XRCC4: variants seen among roughly 807,000 people sequenced by gnomAD.
The protein encoded by XRCC4 is DNA repair protein XRCC4.
A neutral mutation model predicts 39.1 loss-of-function variants in XRCC4; 28 were observed. The observed-to-expected ratio is 0.72, with a 90% CI of 0.53 to 0.98. The LOEUF is 0.98. XRCC4 is among the 50% of genes least tolerant of loss of function. XRCC4 has a pLI of 0.00. For missense variants in XRCC4, 350 were observed against 376.4 expected, an observed-to-expected ratio of 0.93 and a Z score of 0.58; for synonymous variants, 123 against 126.4, an observed-to-expected ratio of 0.97 and a Z score of 0.18.
intron 6 of XRCC4, among the ~76,000 whole-genome samples, chr5:83,208,232 G>T (rs1295336027): frequency 6.6e-6 from 1 of 151,966 alleles, no homozygotes; most frequent in African/African-American, 2.4e-5. Flanking sequence ...TGGTAAATTT[G>T]AATTGGATTA....
At chr5:83,270,470 GT>G (rs1401577864) in intron 7 of XRCC4, among the ~76,000 whole-genome samples, 1 of 152,006 alleles carries the variant, frequency 6.6e-6, no homozygotes, top group Non-Finnish European at 1.5e-5. Context: ...CACTAACCTA[GT>G]CTAAGCCATA....
chr5:83,341,978 G>A (rs1263486968), intron 7 of XRCC4, among the ~76,000 whole-genome samples: 5 of 152,156 alleles, frequency 3.3e-5, no homozygotes, highest in Non-Finnish European at 5.9e-5. Context: ...CACAGCAAGC[G>A]GCAGTCAGCT....
At chr5:83,206,163 G>C (rs1751414124) in intron 6 of XRCC4, among the ~76,000 whole-genome samples, 1 of 152,108 alleles carries the variant, frequency 6.6e-6, no homozygotes, top group Non-Finnish European at 1.5e-5. Context: ...GACATAATCT[G>C]ACTCAAATTT....
chr5:83,217,331 G>A (rs1190649805), intron 6 of XRCC4, among the ~76,000 whole-genome samples: 2 of 143,718 alleles, frequency 1.4e-5, no homozygotes, highest in African/African-American at 2.8e-5. Context: ...CACTCTAGCC[G>A]GGGCAGCGCA....
chr5:83,212,771 T>C (rs371767662), intron 6 of XRCC4, among the ~76,000 whole-genome samples: 3 of 150,258 alleles, frequency 2.0e-5, no homozygotes, highest in African/African-American at 7.3e-5. Flanking sequence ...CTATAAAAAT[T>C]CAAAAATTAG....
At chr5:83,337,197 G>T (rs964778340) in intron 7 of XRCC4, among the ~76,000 whole-genome samples, 6 of 152,194 alleles carry the variant, frequency 3.9e-5, no homozygotes, top group African/African-American at 1.2e-4. Flanking sequence ...CAGAACCTCA[G>T]TTCTTTATTA....
intron 1 of XRCC4, among the ~76,000 whole-genome samples, chr5:83,081,961 C>T (rs991710345): frequency 1.3e-5 from 2 of 152,172 alleles, no homozygotes; most frequent in African/African-American, 2.4e-5. Flanking sequence ...TTTATACAGC[C>T]AGTTGCTCAG....
chr5:83,332,123 C>A (rs1201536177), intron 7 of XRCC4, among the ~76,000 whole-genome samples: 1 of 151,964 alleles, frequency 6.6e-6, no homozygotes, highest in Non-Finnish European at 1.5e-5. Flanking sequence ...CTAATAAAGT[C>A]CCAGTTGCAC....
chr5:83,292,200 C>A (rs1754944841), intron 7 of XRCC4, among the ~76,000 whole-genome samples: 1 of 151,824 alleles, frequency 6.6e-6, no homozygotes, highest in South Asian at 2.1e-4. Flanking sequence ...GGAAACTTCA[C>A]AGGCTATAGC....
intron 7 of XRCC4, among the ~76,000 whole-genome samples, chr5:83,347,287 T>G (rs1338646491): frequency 6.6e-6 from 1 of 152,152 alleles, no homozygotes. Context: ...AGTAGACATT[T>G]GTATTCGTCT....
chr5:83,122,731 A>G (rs551132086), intron 3 of XRCC4, among the ~76,000 whole-genome samples: 109 of 152,168 alleles, frequency 7.2e-4, no homozygotes, highest in Non-Finnish European at 1.3e-3. Flanking sequence ...ACATTTTGGT[A>G]TGTTGTGTTT....
intron 7 of XRCC4, among the ~76,000 whole-genome samples, chr5:83,303,097 C>T (rs1755348852): frequency 6.6e-6 from 1 of 151,662 alleles, no homozygotes; most frequent in Non-Finnish European, 1.5e-5. Context: ...CCTGTAGTCC[C>T]AGCTACTTGG....
intron 3 of XRCC4, among the ~76,000 whole-genome samples, chr5:83,126,065 TTTAC>T (rs561152740): frequency 6.6e-6 from 1 of 151,660 alleles, no homozygotes; most frequent in Non-Finnish European, 1.5e-5. Flanking sequence ...TTTTAGATAA[TTTAC>T]TTACTTTGCC....
chr5:83,258,902 TC>T, intron 7 of XRCC4: 1 of 495,452 alleles, frequency 2.0e-6, no homozygotes, highest in South Asian at 2.3e-5. Context: ...AATTTTTTTC[TC>T]ATGGTTTTTA....
chr5:83,190,242 A>T (rs1400488585), intron 3 of XRCC4, among the ~76,000 whole-genome samples: 2 of 152,100 alleles, frequency 1.3e-5, no homozygotes, highest in African/African-American at 4.8e-5. Context: ...TTTTTTAAAC[A>T]TATCTTGATC....
rs28360255 is a variant in XRCC4, at chr5:83,268,773, G to A, written c.893+10096G>A. On this transcript the variant is annotated intron_variant, in intron 7 of 7. Coordinates refer to ENST00000396027, the MANE Select transcript of XRCC4 (RefSeq NM_003401.5). The stretch of plus-strand genomic sequence containing the variant: ...TTATGGATGTAGTGCTGATTTTAAA[G>A]AGTATTTGCCCTAGGACCATGATAT... Among the ~76,000 whole-genome samples, 434 of 152,232 alleles carry A rather than the reference G, an allele frequency of 2.9e-3. 12 individuals are homozygous for A. In the East Asian group the frequency reaches 0.072, roughly 25 times the overall value.
At chr5:83,133,556 C>T (rs953954842) in intron 3 of XRCC4, among the ~76,000 whole-genome samples, 3 of 152,190 alleles carry the variant, frequency 2.0e-5, no homozygotes, top group Non-Finnish European at 4.4e-5. Flanking sequence ...GCTTTCTGGC[C>T]GCTTTGTTTA....
chr5:83,116,920 C>G (rs1746752721), intron 3 of XRCC4, among the ~76,000 whole-genome samples: 1 of 152,028 alleles, frequency 6.6e-6, no homozygotes, highest in Non-Finnish European at 1.5e-5. Flanking sequence ...CTGTGCCCAG[C>G]CAGAATTACC....
intron 1 of XRCC4, among the ~76,000 whole-genome samples, chr5:83,097,695 A>ACTGCTTGT (rs1554053642): frequency 3.3e-5 from 5 of 152,132 alleles, no homozygotes; most frequent in Non-Finnish European, 7.4e-5. Context: ...CTTGTTGAAA[A>ACTGCTTGT]AGACTGCTGC....
Sources: allele counts gnomAD v4.1 joint callset (sites outside exome capture counted in the v4.1 genomes callset), GRCh38; gene constraint gnomAD v4.1.1; transcripts MANE v1.5; gene names NCBI Gene and HGNC (gene_info 2026-07-23, HGNC 2026-07-21).